Variants in METTL15 observed in about 807,000 individuals in gnomAD.
The protein encoded by METTL15 is methyltransferase 15, mitochondrial 12S rRNA N4-cytidine.
METTL15 carries 34 observed loss-of-function variants against 38.3 expected under a neutral mutation model. That is an observed-to-expected ratio of 0.89 (90% confidence interval 0.68 to 1.18). The LOEUF (loss-of-function observed/expected upper bound fraction) is 1.18. Among genes scored for constraint, METTL15 ranks in the 50% most tolerant of loss-of-function variants. The pLI is 0.00. For missense variants in METTL15, 438 were observed against 498.4 expected, an observed-to-expected ratio of 0.88 and a Z score of 1.15; for synonymous variants, 162 against 170.9, an observed-to-expected ratio of 0.95 and a Z score of 0.41.
intron 6 of METTL15, among the ~76,000 whole-genome samples, chr11:28,328,890 T>C (rs1849725209): frequency 1.3e-5 from 2 of 152,080 alleles, no homozygotes; most frequent in African/African-American, 4.8e-5. Flanking sequence ...GATTTGCAAA[T>C]TTTTTCCCAT....
At chr11:28,235,821 T>G (rs1853933696) in intron 4 of METTL15, among the ~76,000 whole-genome samples, 1 of 152,198 alleles carries the variant, frequency 6.6e-6, no homozygotes, top group Non-Finnish European at 1.5e-5. Flanking sequence ...CTCATTGCCC[T>G]GGCCAGAACT....
chr11:28,256,537 A>G (rs1317778559), intron 4 of METTL15, among the ~76,000 whole-genome samples: 41 of 152,046 alleles, frequency 2.7e-4, no homozygotes, highest in Admixed American at 2.7e-3. Flanking sequence ...TTTCTGTTGT[A>G]TCAGTTATAG....
At chr11:28,368,116 G>C (rs1217139147) in intron 5 of METTL15, among the ~76,000 whole-genome samples, 1 of 111,446 alleles carries the variant, frequency 9.0e-6, no homozygotes, top group South Asian at 2.8e-4. Flanking sequence ...AAACTAAAGA[G>C]CTTCTGCATA....
chr11:28,275,570 A>G (rs1855809733), intron 4 of METTL15, among the ~76,000 whole-genome samples: 1 of 151,856 alleles, frequency 6.6e-6, no homozygotes, highest in South Asian at 2.1e-4. Context: ...CCAAAAAATC[A>G]GAGGACATAA....
At chr11:28,349,899 A>C (rs1464089167) in intron 3 of METTL15, among the ~76,000 whole-genome samples, 2 of 152,244 alleles carry the variant, frequency 1.3e-5, no homozygotes, top group African/African-American at 4.8e-5. Flanking sequence ...TGATGTAAGG[A>C]GTATAGAATT....
intron 5 of METTL15, among the ~76,000 whole-genome samples, chr11:28,407,439 C>T (rs1025177994): frequency 6.6e-6 from 1 of 152,072 alleles, no homozygotes; most frequent in Non-Finnish European, 1.5e-5. Context: ...TATCCAGCAT[C>T]TGGAAGGAGC....
intron 4 of METTL15, among the ~76,000 whole-genome samples, chr11:28,277,098 T>G (rs1411724214): frequency 7.2e-5 from 11 of 152,066 alleles, no homozygotes; most frequent in South Asian, 2.1e-4. Flanking sequence ...AAATAATCAA[T>G]AGAGTGAAGA....
chr11:28,209,190 G>T (rs1240200017), intron 3 of METTL15, among the ~76,000 whole-genome samples: 1 of 151,866 alleles, frequency 6.6e-6, no homozygotes, highest in Non-Finnish European at 1.5e-5. Flanking sequence ...GGACTTTCTT[G>T]TCTCAGAATA....
intron 3 of METTL15, among the ~76,000 whole-genome samples, chr11:28,114,429 A>G (rs1639461311): frequency 1.3e-5 from 2 of 152,152 alleles, no homozygotes; most frequent in African/African-American, 2.4e-5. Context: ...GAATAATGCT[A>G]CTACGAACAT....
At chr11:28,197,616 G>A (rs1266701595) in intron 3 of METTL15, 4 of 327,482 alleles carry the variant, frequency 1.2e-5, no homozygotes, top group Non-Finnish European at 2.5e-5. Context: ...TCTGAAACTT[G>A]TGCTATCTGA....
At chr11:28,380,290 C>T (rs1850368401) in intron 5 of METTL15, among the ~76,000 whole-genome samples, 1 of 151,398 alleles carries the variant, frequency 6.6e-6, no homozygotes, top group Non-Finnish European at 1.5e-5. Context: ...GCCTCAGCCT[C>T]CTGAGTAGCT....
chr11:28,111,614 A>C (rs1337863211), intron 2 of METTL15, among the ~76,000 whole-genome samples: 3 of 152,216 alleles, frequency 2.0e-5, no homozygotes, highest in South Asian at 2.1e-4. Flanking sequence ...GATTGAGTTC[A>C]GGCTCTGGGG....
chr11:28,292,672 C>T (rs1248842690), intron 5 of METTL15, among the ~76,000 whole-genome samples: 6 of 152,176 alleles, frequency 3.9e-5, no homozygotes, highest in Admixed American at 6.5e-5. Flanking sequence ...TACAGTCCCA[C>T]CAACAGTGTA....
At chr11:28,486,338 G>T (rs1590391438) in intron 6 of METTL15, among the ~76,000 whole-genome samples, 1 of 152,110 alleles carries the variant, frequency 6.6e-6, no homozygotes, top group East Asian at 1.9e-4. Flanking sequence ...CTTGGATCAG[G>T]CTCTCATGTT....
intron 4 of METTL15, among the ~76,000 whole-genome samples, chr11:28,283,832 C>T (rs558355945): frequency 1.3e-5 from 2 of 152,200 alleles, no homozygotes; most frequent in South Asian, 4.1e-4. Flanking sequence ...TCCTGGAGAA[C>T]ACAGGATGTT....
intron 6 of METTL15, among the ~76,000 whole-genome samples, chr11:28,521,508 T>G (rs2133512239): frequency 6.6e-6 from 1 of 152,274 alleles, no homozygotes; most frequent in East Asian, 1.9e-4. Context: ...CATATGAAGT[T>G]ATTCCTTCTG....
chr11:28,359,988 GT>G (rs906872369), intron 4 of METTL15, among the ~76,000 whole-genome samples: 2 of 152,144 alleles, frequency 1.3e-5, no homozygotes, highest in African/African-American at 4.8e-5. Flanking sequence ...TTCTGGATAT[GT>G]TGTTAAAGGA....
chr11:28,529,934 A>G (rs774985462), downstream of METTL15, among the ~76,000 whole-genome samples: 1 of 152,202 alleles, frequency 6.6e-6, no homozygotes, highest in Admixed American at 6.6e-5. Flanking sequence ...TTGTGACAGC[A>G]GAAAATAGCT....
chr11:28,249,586 G>C (rs1332208468), intron 4 of METTL15, among the ~76,000 whole-genome samples: 7 of 151,866 alleles, frequency 4.6e-5, no homozygotes. Flanking sequence ...TTCATGAATG[G>C]ATAAGTCGTG....
Sources: allele counts gnomAD v4.1 joint callset (sites outside exome capture counted in the v4.1 genomes callset), GRCh38; gene constraint gnomAD v4.1.1; transcripts MANE v1.5; gene names NCBI Gene and HGNC (gene_info 2026-07-23, HGNC 2026-07-21).